REL: variants seen among roughly 807,000 people sequenced by gnomAD.
REL encodes REL proto-oncogene, NF-kB subunit, also known as proto-oncogene c-Rel.
REL carries 15 observed loss-of-function variants against 45.9 expected under a neutral mutation model. The observed-to-expected ratio is 0.33, with a 90% CI of 0.22 to 0.50. REL has a LOEUF of 0.50. Among genes scored for constraint, REL ranks in the 20% least tolerant of loss-of-function variants. The pLI is 0.98. For synonymous variants in REL, 239 were observed against 242.1 expected (o/e 0.99, Z 0.12); for missense variants, 601 against 715.2 (o/e 0.84, Z 1.82).
rs1034130813 is a variant in REL, at chr2:60,891,563, A to G, written c.11-120A>G. The G allele has an allele frequency of 3.4e-6, 3 of 877,960 alleles. No homozygotes were observed. The highest frequency in any genetic ancestry group is 2.9e-5 in the East Asian group (1 of 35,004). The allele number at this position is 877,960 out of a possible 1,614,324, so 54.4% of individuals were successfully genotyped here. A position where few individuals can be genotyped will look rare whatever the true frequency, so the allele number is the denominator to read the frequency against. ...GATAACATTTCGGTCTTGTTATTTAATGTTAGGAGGAAAAAAATCTTTGTT... is the reference window on the plus strand; with the variant it reads ...GATAACATTTCGGTCTTGTTATTTAGTGTTAGGAGGAAAAAAATCTTTGTT... On this transcript the variant is annotated intron_variant, in intron 1 of 9. Coordinates refer to ENST00000394479, the MANE Select transcript of REL (RefSeq NM_001291746.2).
intron 4 of REL, among the ~76,000 whole-genome samples, chr2:60,910,396 C>T (rs1437248701): frequency 1.3e-5 from 2 of 148,464 alleles, no homozygotes; most frequent in African/African-American, 2.5e-5. Context: ...ACCCGGGAGG[C>T]GGAGCTTGCA....
chr2:60,908,707 T>G (rs1673726352), intron 4 of REL, among the ~76,000 whole-genome samples: 1 of 152,228 alleles, frequency 6.6e-6, no homozygotes, highest in Non-Finnish European at 1.5e-5. Flanking sequence ...ATATCTAAAC[T>G]GTATATTAAA....
intron 4 of REL, among the ~76,000 whole-genome samples, chr2:60,915,700 C>T (rs1423749486): frequency 1.3e-5 from 2 of 152,062 alleles, no homozygotes; most frequent in African/African-American, 4.8e-5. Flanking sequence ...GCATGTCTTG[C>T]TTTTTAAAAA....
intron 4 of REL, among the ~76,000 whole-genome samples, chr2:60,914,456 T>C (rs774329774): frequency 5.3e-5 from 8 of 152,336 alleles, no homozygotes; most frequent in Non-Finnish European, 1.0e-4. Flanking sequence ...AGAACTATTA[T>C]GTGACTAAAT....
intron 8 of REL, 129 bp downstream of exon 8, chr2:60,920,238 G>C: frequency 1.3e-6 from 1 of 762,550 alleles, no homozygotes; most frequent in Admixed American, 2.7e-5. Flanking sequence ...ATCTCTCTCT[G>C]TCACCCAGGC....
chr2:60,891,486 A>G (rs902043125), intron 1 of REL, among the ~76,000 whole-genome samples, 197 bp from the exon 2 acceptor site: 1 of 152,180 alleles, frequency 6.6e-6, no homozygotes, highest in Admixed American at 6.5e-5. Context: ...GACACTACAT[A>G]GGGACTCAAT....
At position 60,922,364 on chromosome 2, in the gene REL, G is replaced by A; in HGVS notation, c.1593G>A (p.Glu531=). ...TVFVSQSDAF[E]GSDFSCADNS... is the part of the protein sequence containing the mutation. ...TTGTTTCACAATCAGATGCATTTGAGGGATCTGACTTCAGTTGTGCAGATA... is the reference window on the plus strand; with the variant it reads ...TTGTTTCACAATCAGATGCATTTGAAGGATCTGACTTCAGTTGTGCAGATA... Residue 531 remains glutamate, a synonymous_variant, in exon 10 of 10, where the codon GAG becomes GAA. Transcript: ENST00000394479. 6.2e-7 allele frequency: 1 copy of A among 1,614,088 alleles called. No individual in the cohort carries two copies. The highest frequency in any genetic ancestry group is 8.5e-7 in the Non-Finnish European group (1 of 1,180,016).
intron 4 of REL, among the ~76,000 whole-genome samples, chr2:60,908,009 C>A (rs752560449): frequency 6.6e-6 from 1 of 151,876 alleles, no homozygotes; most frequent in Non-Finnish European, 1.5e-5. Flanking sequence ...TACTTTTCTA[C>A]CAAAAATATC....
chr2:60,893,323 T>C (rs1673267135), intron 2 of REL, among the ~76,000 whole-genome samples: 1 of 152,240 alleles, frequency 6.6e-6, no homozygotes, highest in Non-Finnish European at 1.5e-5. Context: ...ATTATATATA[T>C]TGAATTCCAG....
chr2:60,889,613 C>A lies in REL; in HGVS notation c.11-2070C>A, dbSNP rs370566295. Among the ~76,000 whole-genome samples the A allele has an allele frequency of 4.6e-5, 7 of 152,210 alleles. No homozygotes were observed. The South Asian group carries it at 6.2e-4, about 14-fold the overall frequency. ...ATATCTCCTAATGCTTTCCCTCCCC[C>A]CTTCCCCCACCCCACAACAGGCCCT... On this transcript the variant is annotated intron_variant, in intron 1 of 9. Coordinates refer to ENST00000394479, the MANE Select transcript of REL (RefSeq NM_001291746.2).
At chr2:60,897,370 C>G (rs761388580) in intron 3 of REL, among the ~76,000 whole-genome samples, 2 of 149,684 alleles carry the variant, frequency 1.3e-5, no homozygotes, top group Non-Finnish European at 3.0e-5. Flanking sequence ...TGCGGTGGTG[C>G]GATCTCACCT....
At position 60,920,637 on chromosome 2, in the gene REL, A is replaced by T; in HGVS notation, c.986A>T (p.Lys329Ile). ...LGSIGEGRYF[K>I]KEPNLFSHDA... ...TCAATTGGAGAAGGAAGATACTTCAAAAAAGGTATTTTATTTCCTATAGCA... is the reference window on the plus strand; with the variant it reads ...TCAATTGGAGAAGGAAGATACTTCATAAAAGGTATTTTATTTCCTATAGCA... The change falls in exon 9 of 10, where the codon AAA becomes ATA. Residue 329 changes from lysine to isoleucine, a missense_variant. Physicochemically the swap from Lys to Ile is moderately radical, Grantham distance 102. Transcript: ENST00000394479. 6.3e-7 allele frequency: 1 copy of T among 1,588,734 alleles called. No individual in the cohort carries two copies. Among genetic ancestry groups the T allele is most frequent in the Non-Finnish European group, 8.6e-7 (1 of 1,158,872 alleles).
Position 60,926,119 on chromosome 2 carries a change from T to A in REL, c.*3584T>A, listed in dbSNP as rs956772782. 8.6e-6 allele frequency: 2 copies of A among 231,800 alleles called. No homozygotes were observed. The allele number at this position is 231,800 out of a possible 1,614,324, so 14.4% of individuals were successfully genotyped here. A position where few individuals can be genotyped will look rare whatever the true frequency, so the allele number is the denominator to read the frequency against. On this transcript the variant is annotated 3_prime_UTR_variant, in exon 10 of 10. Transcript: ENST00000394479. Reference sequence around the variant, plus strand: ...TATCTGAGGCACTTTTTCTGAACTCTACTTGTGCACTGGATCCCTCCTCCT... The same window carrying A: ...TATCTGAGGCACTTTTTCTGAACTCAACTTGTGCACTGGATCCCTCCTCCT...
chr2:60,882,277 C>G (rs1289056244), intron 1 of REL, among the ~76,000 whole-genome samples: 1 of 152,196 alleles, frequency 6.6e-6, no homozygotes, highest in African/African-American at 2.4e-5. Flanking sequence ...GGTGATCCCC[C>G]TTGTACTGAC....
chr2:60,909,978 A>G (rs894776708), intron 4 of REL, among the ~76,000 whole-genome samples: 8 of 152,186 alleles, frequency 5.3e-5, no homozygotes, highest in Non-Finnish European at 1.0e-4. Flanking sequence ...AGTGTTTGAC[A>G]GTATTAGAAT....
At chr2:60,912,885 AAT>A (rs1356154325) in intron 4 of REL, among the ~76,000 whole-genome samples, 1 of 152,166 alleles carries the variant, frequency 6.6e-6, no homozygotes, top group Non-Finnish European at 1.5e-5. Context: ...TTGAAAAAAA[AAT>A]AGTTATTTAA....
At chr2:60,911,126 C>T (rs899133032) in intron 4 of REL, among the ~76,000 whole-genome samples, 1 of 152,134 alleles carries the variant, frequency 6.6e-6, no homozygotes, top group African/African-American at 2.4e-5. Flanking sequence ...TATTCAACAT[C>T]GTAGTGAAGG....
At chr2:60,902,778 A>G (rs897611918) in intron 4 of REL, among the ~76,000 whole-genome samples, 5 of 151,870 alleles carry the variant, frequency 3.3e-5, no homozygotes, top group Non-Finnish European at 7.4e-5. Flanking sequence ...TTGTAGAGAC[A>G]GGGTCTCGCC....
At chr2:60,883,844 CTTT>C (rs71402307) in intron 1 of REL, among the ~76,000 whole-genome samples, 12 of 126,576 alleles carry the variant, frequency 9.5e-5, no homozygotes, top group Non-Finnish European at 1.5e-4. Flanking sequence ...GGGTGATTAA[CTTT>C]TTTTTTTTTT....
Sources: gnomAD v4.1 joint callset for allele counts (sites outside exome capture counted in the v4.1 genomes callset) on GRCh38, gnomAD v4.1.1 for gene constraint, MANE v1.5 for transcripts, NCBI Gene and HGNC (gene_info 2026-07-23, HGNC 2026-07-21) for gene names.